The following RAD51B variants were observed in gnomAD, a reference collection of about 807,000 sequenced individuals.
RAD51B encodes the protein RAD51 paralog B.
In RAD51B, 38 loss-of-function variants were observed where a neutral mutation model predicts 42.2. The observed-to-expected ratio is 0.90, with a 90% confidence interval of 0.70 to 1.18. The LOEUF is 1.18. Ranked by LOEUF, RAD51B falls within the 50% of genes most tolerant of loss-of-function variation. The probability of loss-of-function intolerance (pLI) is 0.00; values close to 1 mark genes in which losing one functional copy is unlikely to be tolerated. For synonymous variants in RAD51B, 154 were observed against 145.2 expected, an observed-to-expected ratio of 1.06 and a Z score of -0.43; for missense variants, 373 against 400.7, an observed-to-expected ratio of 0.93 and a Z score of 0.59.
intron 7 of RAD51B, among the ~76,000 whole-genome samples, chr14:68,039,112 A>G (rs1489202217): frequency 1.3e-5 from 2 of 152,152 alleles, no homozygotes; most frequent in African/African-American, 4.8e-5. Context: ...TGATGGAAAA[A>G]ATGTTAATAA....
intron 8 of RAD51B, among the ~76,000 whole-genome samples, chr14:68,317,865 T>C (rs2082090579): frequency 6.6e-6 from 1 of 152,238 alleles, no homozygotes; most frequent in Non-Finnish European, 1.5e-5. Flanking sequence ...GGATGTGTTC[T>C]GAGAACAGTG....
chr14:68,681,237 G>A (rs1893422952), intron 11 of RAD51B, among the ~76,000 whole-genome samples: 1 of 152,172 alleles, frequency 6.6e-6, no homozygotes, highest in Admixed American at 6.5e-5. Context: ...TGTGGAGACT[G>A]AAAAAAGATA....
At chr14:68,405,933 T>C (rs375568293) in intron 8 of RAD51B, among the ~76,000 whole-genome samples, 3 of 151,848 alleles carry the variant, frequency 2.0e-5, no homozygotes, top group South Asian at 4.1e-4. Context: ...CCTCCCTTGA[T>C]CCCATCACTT....
chr14:68,148,015 A>G (rs2078290551), intron 7 of RAD51B, among the ~76,000 whole-genome samples: 1 of 152,060 alleles, frequency 6.6e-6, no homozygotes, highest in African/African-American at 2.4e-5. Flanking sequence ...TAAGCAAAAC[A>G]CTGATCTGTT....
chr14:67,985,454 A>G lies in RAD51B; in HGVS notation c.756+98250A>G, dbSNP rs193118888. On this transcript the variant is annotated intron_variant, in intron 7 of 10. Coordinates refer to ENST00000471583, the MANE Select transcript of RAD51B (RefSeq NM_133510.4). ...TACCATAATCTAACATAGAGTCCAC[A>G]TTCAAATTTTGCCTATTGTCCCTTT... 2.3e-3 allele frequency among the ~76,000 whole-genome samples: 355 copies of G among 152,338 alleles called. 5 individuals are homozygous for G. The highest frequency in any genetic ancestry group is 6.8e-3 in the Middle Eastern group (2 of 294).
chr14:68,449,250 G>A (rs1314103553), intron 9 of RAD51B, among the ~76,000 whole-genome samples: 2 of 152,150 alleles, frequency 1.3e-5, no homozygotes, highest in Admixed American at 6.5e-5. Flanking sequence ...AAACCAAAGA[G>A]GTAGCAATAT....
chr14:68,553,725 G>A (rs1888690268), intron 10 of RAD51B, among the ~76,000 whole-genome samples: 1 of 138,104 alleles, frequency 7.2e-6, no homozygotes, highest in South Asian at 2.8e-4. Flanking sequence ...GGTGGGTGGG[G>A]GGAGGGTGGG....
intron 1 of RAD51B, among the ~76,000 whole-genome samples, chr14:67,822,735 C>A (rs182466403): frequency 5.1e-4 from 78 of 151,924 alleles, no homozygotes; most frequent in African/African-American, 1.2e-3. Flanking sequence ...CTCTCTCTCT[C>A]TCTCTATATA....
intron 7 of RAD51B, among the ~76,000 whole-genome samples, chr14:68,150,073 T>G (rs2078344880): frequency 6.6e-6 from 1 of 152,112 alleles, no homozygotes; most frequent in Non-Finnish European, 1.5e-5. Context: ...GCCTCCCAAG[T>G]AGTTGGGATT....
intron 7 of RAD51B, among the ~76,000 whole-genome samples, chr14:68,194,460 A>C (rs80214584): frequency 0.03 from 4,595 of 152,250 alleles, 209 homozygotes; most frequent in African/African-American, 0.097. Context: ...CAGGATCAAC[A>C]AAAAAATGGT....
intron 7 of RAD51B, among the ~76,000 whole-genome samples, chr14:68,205,537 T>A (rs2079567458): frequency 6.6e-6 from 1 of 152,258 alleles, no homozygotes; most frequent in African/African-American, 2.4e-5. Flanking sequence ...TAGAGACAGC[T>A]TGTTTGGGGG....
chr14:68,218,157 T>G (rs993963030), intron 7 of RAD51B, among the ~76,000 whole-genome samples: 1 of 152,254 alleles, frequency 6.6e-6, no homozygotes, highest in Non-Finnish European at 1.5e-5. Flanking sequence ...AATGTAAGCC[T>G]ATAAGTCACA....
intron 9 of RAD51B, among the ~76,000 whole-genome samples, chr14:68,419,694 A>G (rs1177755999): frequency 6.6e-6 from 1 of 152,176 alleles, no homozygotes; most frequent in African/African-American, 2.4e-5. Context: ...CCCCATCTTC[A>G]TAGGCTAAAG....
At chr14:67,848,579 A>G (rs1233197534) in intron 4 of RAD51B, among the ~76,000 whole-genome samples, 1 of 152,072 alleles carries the variant, frequency 6.6e-6, no homozygotes, top group African/African-American at 2.4e-5. Context: ...TAGAACACTT[A>G]ACATTGAAGT....
chr14:68,242,567 A>G (rs947677383), intron 7 of RAD51B, among the ~76,000 whole-genome samples: 1 of 152,208 alleles, frequency 6.6e-6, no homozygotes, highest in Non-Finnish European at 1.5e-5. Context: ...TAGGGTACAT[A>G]GCAATCAGGA....
At chr14:68,460,767 G>A (rs2085824821) in intron 9 of RAD51B, among the ~76,000 whole-genome samples, 1 of 152,164 alleles carries the variant, frequency 6.6e-6, no homozygotes, top group African/African-American at 2.4e-5. Flanking sequence ...ATAGCAAGCT[G>A]AAACCAAAGA....
At position 68,117,227 on chromosome 14, in the gene RAD51B, T is replaced by C. The variant is rs181190714; in HGVS notation, c.757-174657T>C. Among the ~76,000 whole-genome samples, 180 of 152,318 alleles carry C rather than the reference T, an allele frequency of 1.2e-3. 1 individual carries two copies. Among genetic ancestry groups the C allele is most frequent in the African/African-American group, 4.2e-3 (176 of 41,580 alleles). Reference sequence around the variant, plus strand: ...TTATATATATTCATATAGTTTTATATATTTTTTATTTTTTGATTATGAGAC... The same window carrying C: ...TTATATATATTCATATAGTTTTATACATTTTTTATTTTTTGATTATGAGAC... On this transcript the variant is annotated intron_variant, in intron 7 of 10. Coordinates refer to ENST00000471583, the MANE Select transcript of RAD51B (RefSeq NM_133510.4).
intron 5 of RAD51B, among the ~76,000 whole-genome samples, chr14:67,865,648 C>T (rs1490815789): frequency 6.7e-6 from 1 of 148,968 alleles, no homozygotes; most frequent in African/African-American, 2.5e-5. Context: ...AAGCGATTCT[C>T]CTGTCTCAGC....
At chr14:68,217,721 T>A (rs780027931) in intron 7 of RAD51B, among the ~76,000 whole-genome samples, 5 of 152,182 alleles carry the variant, frequency 3.3e-5, no homozygotes, top group Non-Finnish European at 5.9e-5. Context: ...CTGACTCTCA[T>A]AGCCTTTGTA....
Sources: allele counts gnomAD v4.1 joint callset (sites outside exome capture counted in the v4.1 genomes callset), GRCh38; gene constraint gnomAD v4.1.1; transcripts MANE v1.5; gene names NCBI Gene and HGNC (gene_info 2026-07-23, HGNC 2026-07-21).